The following PARD3B variants were observed in gnomAD, a reference collection of about 807,000 sequenced individuals.
The protein encoded by PARD3B is par-3 family cell polarity regulator beta, also known as partitioning defective 3 homolog B.
PARD3B carries 103 observed loss-of-function variants against 130.2 expected under a neutral mutation model. That is an observed-to-expected ratio of 0.79 (90% CI 0.67 to 0.93). The LOEUF is 0.93. PARD3B is among the 40% of genes least tolerant of loss of function. The pLI is 0.00. For synonymous variants in PARD3B, 583 were observed against 553.2 expected (o/e 1.05, Z -0.76); for missense variants, 1,609 against 1,499.2 (o/e 1.07, Z -1.21).
intron 18 of PARD3B, among the ~76,000 whole-genome samples, chr2:205,394,633 A>G (rs1284642615): frequency 1.3e-5 from 2 of 152,210 alleles, no homozygotes; most frequent in African/African-American, 4.8e-5. Context: ...ATGGTTGTGT[A>G]ACTGCAATGG....
intron 1 of PARD3B, among the ~76,000 whole-genome samples, chr2:204,676,131 G>C (rs2036528677): frequency 6.6e-6 from 1 of 150,702 alleles, no homozygotes; most frequent in South Asian, 2.1e-4. Flanking sequence ...GCGGGGGGTG[G>C]TAATGAGGGG....
chr2:205,438,245 A>T (rs1029812274), intron 19 of PARD3B, among the ~76,000 whole-genome samples: 1 of 152,214 alleles, frequency 6.6e-6, no homozygotes, highest in Non-Finnish European at 1.5e-5. Context: ...TTCATCTGAG[A>T]TTCTCCACGT....
At chr2:205,580,928 G>A (rs142704537) in intron 22 of PARD3B, among the ~76,000 whole-genome samples, 2 of 152,242 alleles carry the variant, frequency 1.3e-5, no homozygotes, top group African/African-American at 4.8e-5. Context: ...CATAGTGACA[G>A]TGACTTACAA....
chr2:205,509,729 C>A (rs1250972988), intron 21 of PARD3B, among the ~76,000 whole-genome samples: 1 of 152,354 alleles, frequency 6.6e-6, no homozygotes, highest in South Asian at 2.1e-4. Context: ...GATTCTCCAG[C>A]GCTTCTGTTT....
chr2:205,180,585 CTT>C (rs201402812), intron 13 of PARD3B, among the ~76,000 whole-genome samples: 78 of 143,700 alleles, frequency 5.4e-4, no homozygotes, highest in African/African-American at 1.9e-3. Context: ...AAAACATTGG[CTT>C]TTTTTTTTTT....
At position 204,723,304 on chromosome 2, in the gene PARD3B, A is replaced by G. The variant is rs555470093; in HGVS notation, c.222+37022A>G. Among the ~76,000 whole-genome samples, 11 of 152,290 alleles carry G rather than the reference A, an allele frequency of 7.2e-5. No homozygotes were observed. The South Asian group carries it at 2.3e-3, about 32-fold the overall frequency. Reference sequence around the variant, plus strand: ...TTGATACATTTATGGAGAATTCATAAACGATTCAAATCAATTACTTTATAG... The same window carrying G: ...TTGATACATTTATGGAGAATTCATAGACGATTCAAATCAATTACTTTATAG... On this transcript the variant is annotated intron_variant, in intron 2 of 22. Coordinates refer to ENST00000406610, the MANE Select transcript of PARD3B (RefSeq NM_001302769.2).
chr2:204,712,620 AAAAAAAC>A (rs1327964789), intron 2 of PARD3B, among the ~76,000 whole-genome samples: 2 of 150,872 alleles, frequency 1.3e-5, no homozygotes, highest in Non-Finnish European at 3.0e-5. Flanking sequence ...TCTCAAAAAA[AAAAAAAC>A]AAAAAAAAAA....
intron 2 of PARD3B, among the ~76,000 whole-genome samples, chr2:204,711,272 T>C (rs543739061): frequency 6.6e-6 from 1 of 152,346 alleles, no homozygotes; most frequent in East Asian, 1.9e-4. Flanking sequence ...ACTGCTTGTT[T>C]TACAACAAAC....
chr2:204,778,579 T>C (rs1015155308), intron 2 of PARD3B, among the ~76,000 whole-genome samples: 1 of 152,202 alleles, frequency 6.6e-6, no homozygotes, highest in Non-Finnish European at 1.5e-5. Context: ...CTGAAATTTC[T>C]AATGTGGTTA....
rs1313661685 is a variant in PARD3B, at chr2:205,592,582, C to G, written c.3261-22874C>G. Among the ~76,000 whole-genome samples, 1 of 152,124 alleles carries G rather than the reference C, an allele frequency of 6.6e-6. No individual in the cohort carries two copies. Among genetic ancestry groups the G allele is most frequent in the African/African-American group, 2.4e-5 (1 of 41,424 alleles). ...TGATTAAATACAATGGTTATTGATTCCATAGAGGCAGAATGTTTCCCATAC... is the reference window on the plus strand; with the variant it reads ...TGATTAAATACAATGGTTATTGATTGCATAGAGGCAGAATGTTTCCCATAC... On this transcript the variant is annotated intron_variant, in intron 22 of 22. Transcript: ENST00000406610. The surrounding 1 kb of genome is among the most constrained non-coding windows in gnomAD (Gnocchi z 4.5).
Position 205,121,001 on chromosome 2 carries a change from C to T in PARD3B, c.807-590C>T, listed in dbSNP as rs967047961. ...ACACAGTTGCTCTGTGTGAGAGTAA[C>T]AGGAAGGGTGCATGTTGGATTGAAA... On this transcript the variant is annotated intron_variant, in intron 7 of 22. Transcript: ENST00000406610. This position sits in a 1 kb window ranked among gnomAD's most constrained non-coding sequence, Gnocchi z 5.0. Among the ~76,000 whole-genome samples the T allele has an allele frequency of 1.3e-5, 2 of 152,136 alleles. No individual in the cohort carries two copies. Among genetic ancestry groups the T allele is most frequent in the Admixed American group, 6.5e-5 (1 of 15,274 alleles).
At chr2:204,999,597 A>T (rs2125275381) in intron 3 of PARD3B, among the ~76,000 whole-genome samples, 1 of 152,328 alleles carries the variant, frequency 6.6e-6, no homozygotes, top group African/African-American at 2.4e-5. Context: ...TTTAAACTTA[A>T]TTCCAGAGCC....
intron 1 of PARD3B, among the ~76,000 whole-genome samples, chr2:204,617,595 T>C (rs1199400305): frequency 6.6e-6 from 1 of 152,166 alleles, no homozygotes; most frequent in Non-Finnish European, 1.5e-5. Context: ...AAGGGGTACA[T>C]GTGCAGGTTT....
rs975133977 is a variant in PARD3B, at chr2:204,610,156, C to T, written c.120+64037C>T. On this transcript the variant is annotated intron_variant, in intron 1 of 22. Transcript: ENST00000406610. This position sits in a 1 kb window ranked among gnomAD's most constrained non-coding sequence, Gnocchi z 4.1. ...AGGTTTGTCCCACCTCCCTTCCCATCGTGGCTGGAAATTCAGTTTTTCAGG... is the reference window on the plus strand; with the variant it reads ...AGGTTTGTCCCACCTCCCTTCCCATTGTGGCTGGAAATTCAGTTTTTCAGG... Among the ~76,000 whole-genome samples, 1 of 152,044 alleles carries T rather than the reference C, an allele frequency of 6.6e-6. No individual in the cohort carries two copies.
rs1291223978 is a variant in PARD3B at position 204,998,504 on chromosome 2, GTA to G, written c.394+33191_394+33192del. ...GTATATAATATATGTATATATATGT[GTA>G]TATATATATGTGTGTGTATATATAT... On this transcript the variant is annotated intron_variant, in intron 3 of 22. Coordinates refer to ENST00000406610, the MANE Select transcript of PARD3B (RefSeq NM_001302769.2). Among the ~76,000 whole-genome samples the G allele has an allele frequency of 8.0e-4, 53 of 66,250 alleles. 4 individuals carry two copies. The highest frequency in any genetic ancestry group is 2.8e-3 in the African/African-American group (43 of 15,398). The allele number at this position is 66,250 out of a possible 152,430, so 43.5% of individuals were successfully genotyped here. A position where few individuals can be genotyped will look rare whatever the true frequency, so the allele number is the denominator to read the frequency against.
chr2:204,551,126 A>G (rs2030425561), intron 1 of PARD3B, among the ~76,000 whole-genome samples: 1 of 152,130 alleles, frequency 6.6e-6, no homozygotes, highest in Non-Finnish European at 1.5e-5. Context: ...GCAGCTTCTA[A>G]GTTTGCAAAC....
At chr2:205,320,512 G>T (rs10490295) in intron 18 of PARD3B, among the ~76,000 whole-genome samples, 3 of 152,048 alleles carry the variant, frequency 2.0e-5, no homozygotes, top group South Asian at 2.1e-4. Context: ...GTAGGTTATA[G>T]GATGTAATAG....
intron 20 of PARD3B, among the ~76,000 whole-genome samples, chr2:205,447,073 G>A (rs1275549723): frequency 6.6e-6 from 1 of 152,260 alleles, no homozygotes; most frequent in South Asian, 2.1e-4. Flanking sequence ...AAAAATATGG[G>A]CATTTGTTTC....
rs867358524 is a variant in PARD3B at position 205,575,084 on chromosome 2, G to C, written c.3260+21681G>C. Reference sequence around the variant, plus strand: ...AATACATTATATACACATTTAAATAGACACACACACACACACACACACACA... The same window carrying C: ...AATACATTATATACACATTTAAATACACACACACACACACACACACACACA... On this transcript the variant is annotated intron_variant, in intron 22 of 22. Transcript: ENST00000406610. The surrounding 1 kb of genome is among the most constrained non-coding windows in gnomAD (Gnocchi z 4.6). Among the ~76,000 whole-genome samples the C allele has an allele frequency of 1.6e-5, 2 of 128,520 alleles. No homozygotes were observed. Among genetic ancestry groups the C allele is most frequent in the African/African-American group, 5.3e-5 (2 of 37,704 alleles). 84.3% of individuals were successfully genotyped at this position (128,520 alleles called of 152,430 possible).
Sources: allele counts gnomAD v4.1 joint callset (sites outside exome capture counted in the v4.1 genomes callset), GRCh38; gene constraint gnomAD v4.1.1; non-coding constraint Gnocchi (gnomAD v3.1); transcripts MANE v1.5; gene names NCBI Gene and HGNC (gene_info 2026-07-23, HGNC 2026-07-21).